SERPINB7: variants seen among roughly 807,000 people sequenced by gnomAD.
SERPINB7 encodes serpin B7.
A neutral mutation model predicts 37.4 loss-of-function variants in SERPINB7; 31 were observed. That is an observed-to-expected ratio of 0.83 (90% CI 0.62 to 1.12). The LOEUF is 1.12. Among genes scored for constraint, SERPINB7 ranks in the 50% most tolerant of loss-of-function variants. SERPINB7 has a pLI of 0.00. For synonymous variants in SERPINB7, 163 were observed against 166.1 expected (o/e 0.98, Z 0.14); for missense variants, 521 against 455.3 (o/e 1.14, Z -1.31).
intron 1 of SERPINB7, among the ~76,000 whole-genome samples, chr18:63,757,008 C>A (rs1413495275): frequency 6.6e-6 from 1 of 152,148 alleles, no homozygotes; most frequent in Non-Finnish European, 1.5e-5. Context: ...GTTAGTAGTA[C>A]ATGAATGTCT....
In SERPINB7 at chr18:63,793,155, T is replaced by G. The variant is rs186928560; in HGVS notation, c.220-6T>G. Reference sequence around the variant, plus strand: ...AATAAATTTTTATACATCTTTTTAATAACAGTCAGGGCTCCAGTCTCAACT... The same window carrying G: ...AATAAATTTTTATACATCTTTTTAAGAACAGTCAGGGCTCCAGTCTCAACT... On this transcript the variant is annotated splice_polypyrimidine_tract_variant and splice_region_variant and intron_variant, in intron 3 of 7. Coordinates refer to ENST00000398019, the MANE Select transcript of SERPINB7 (RefSeq NM_003784.4). The G allele has an allele frequency of 6.8e-7, 1 of 1,462,348 alleles. No homozygotes were observed. The highest frequency in any genetic ancestry group is 9.3e-7 in the Non-Finnish European group (1 of 1,071,448). The allele number at this position is 1,462,348 out of a possible 1,614,324, so 90.6% of individuals were successfully genotyped here. A position where few individuals can be genotyped will look rare whatever the true frequency, so the allele number is the denominator to read the frequency against.
chr18:63,777,706 G>A (rs1179938126), intron 1 of SERPINB7: 1 of 151,644 alleles, frequency 6.6e-6, no homozygotes, highest in Admixed American at 6.6e-5. Context: ...AACTATCATG[G>A]CCATCATAAA....
chr18:63,762,993 C>T (rs1325463337), intron 1 of SERPINB7, among the ~76,000 whole-genome samples: 4 of 151,974 alleles, frequency 2.6e-5, no homozygotes, highest in Admixed American at 6.6e-5. Context: ...GGTCATATTC[C>T]TATTTTTAGA....
At chr18:63,766,953 G>T (rs150250551) in intron 1 of SERPINB7, among the ~76,000 whole-genome samples, 19 of 152,168 alleles carry the variant, frequency 1.2e-4, no homozygotes, top group Admixed American at 2.0e-4. Flanking sequence ...CATCCAATCA[G>T]CAAGTTCTGC....
chr18:63,798,710 G>C lies in SERPINB7; in HGVS notation c.561G>C (p.Lys187Asn). 6.2e-7 allele frequency: 1 copy of C among 1,613,132 alleles called. No homozygotes were observed. Among genetic ancestry groups the C allele is most frequent in the Non-Finnish European group, 8.5e-7 (1 of 1,179,666 alleles). ...FKGKWQSAFT[K>N]SETINCHFKS... ...GCAAGTGGCAATCAGCCTTCACCAA[G>C]AGCGAAACCATAAATTGCCATTTCA... The change falls in exon 6 of 8, where the codon AAG becomes AAC. Residue 187 changes from lysine (K) to asparagine (N), a missense_variant. Coordinates refer to ENST00000398019, the MANE Select transcript of SERPINB7 (RefSeq NM_003784.4).
chr18:63,799,074 T>A (rs574574564), intron 6 of SERPINB7, among the ~76,000 whole-genome samples: 2 of 152,332 alleles, frequency 1.3e-5, no homozygotes, highest in South Asian at 4.1e-4. Context: ...TTTTCATTTT[T>A]CATTTTTTTA....
rs1404741299 is a variant in SERPINB7 at position 63,760,917 on chromosome 18, C to T, written c.-19+7797C>T. On this transcript the variant is annotated intron_variant, in intron 1 of 7. Coordinates refer to the SERPINB7 transcript ENST00000336429. ...GTGGTCCTCTCATGGAGAACCTTTG[C>T]TAGGGCAGTGCAGAAGGGAAATGTG... Among the ~76,000 whole-genome samples, 6 of 152,342 alleles carry T rather than the reference C, an allele frequency of 3.9e-5. No individual in the cohort carries two copies. The East Asian group carries it at 7.7e-4, about 20-fold the overall frequency.
At chr18:63,804,131 A>C (rs2049579056) in intron 7 of SERPINB7, 106 bp from the exon 8 acceptor site, 3 of 817,700 alleles carry the variant, frequency 3.7e-6, no homozygotes, top group Non-Finnish European at 5.6e-6. Flanking sequence ...CTTGAACACA[A>C]ATATCCAGGA....
At chr18:63,774,644 T>C (rs1003377761), upstream of SERPINB7, among the ~76,000 whole-genome samples, 3 of 152,070 alleles carry the variant, frequency 2.0e-5, no homozygotes, top group Admixed American at 2.0e-4. Flanking sequence ...GCCTGTATTA[T>C]AGGAGGAAGG....
At chr18:63,756,825 T>TGTGC (rs2049125271) in intron 1 of SERPINB7, among the ~76,000 whole-genome samples, 2 of 151,530 alleles carry the variant, frequency 1.3e-5, no homozygotes, top group South Asian at 4.2e-4. Flanking sequence ...TGTGTGTGTG[T>TGTGC]GTGTGTGTGT....
chr18:63,765,138 T>C lies in SERPINB7; in HGVS notation c.-19+12018T>C, dbSNP rs891988000. On this transcript the variant is annotated intron_variant, in intron 1 of 7. Coordinates refer to the SERPINB7 transcript ENST00000336429. ...AATTGTAGATTCAACTATGTGTGAA[T>C]AGCCATAAGCACCTCAAACTTAAGT... Among the ~76,000 whole-genome samples, 4 of 152,300 alleles carry C rather than the reference T, an allele frequency of 2.6e-5. No individual in the cohort carries two copies. In the East Asian group the frequency reaches 7.7e-4, roughly 29 times the overall value.
chr18:63,803,365 T>C (rs902489729), intron 7 of SERPINB7, among the ~76,000 whole-genome samples: 1 of 152,180 alleles, frequency 6.6e-6, no homozygotes, highest in Admixed American at 6.5e-5. Flanking sequence ...TTGATAAGAA[T>C]ACAAGTTAAA....
At chr18:63,785,597 C>CA (rs2049355690) in intron 2 of SERPINB7, among the ~76,000 whole-genome samples, 1 of 151,960 alleles carries the variant, frequency 6.6e-6, no homozygotes, top group African/African-American at 2.4e-5. Context: ...AGTCAAGAAT[C>CA]AGTGTGCTTG....
chr18:63,762,352 A>T (rs1347581401), intron 1 of SERPINB7, among the ~76,000 whole-genome samples: 2 of 152,254 alleles, frequency 1.3e-5, no homozygotes, highest in Non-Finnish European at 1.5e-5. Context: ...CTAAAATAAG[A>T]TTGTCATATT....
chr18:63,776,556 G>T (rs2049250163), intron 1 of SERPINB7, among the ~76,000 whole-genome samples: 1 of 151,038 alleles, frequency 6.6e-6, no homozygotes. Context: ...AGAGTTTTGT[G>T]GTCAGAAACC....
chr18:63,783,049 A>G lies in SERPINB7; in HGVS notation c.168+509A>G, dbSNP rs541136827. Among the ~76,000 whole-genome samples the G allele has an allele frequency of 1.1e-4, 17 of 151,828 alleles. No homozygotes were observed. In the South Asian group the frequency reaches 3.1e-3, roughly 28 times the overall value. On this transcript the variant is annotated intron_variant, in intron 2 of 7. Transcript: ENST00000398019. Reference sequence around the variant, plus strand: ...GCTACTCGGGAGGCTGAGGCAGGAGAATGGCATGAACCCGGGAGGTGGAGT... The same window carrying G: ...GCTACTCGGGAGGCTGAGGCAGGAGGATGGCATGAACCCGGGAGGTGGAGT...
intron 6 of SERPINB7, among the ~76,000 whole-genome samples, chr18:63,800,413 A>G (rs2049535056): frequency 6.6e-6 from 1 of 151,552 alleles, no homozygotes; most frequent in Non-Finnish European, 1.5e-5. Flanking sequence ...TCTGAGAAGA[A>G]AAAAAAACCT....
Position 63,804,700 on chromosome 18 carries a change from T to C in SERPINB7, c.*65T>C, listed in dbSNP as rs2049589625. 3 of 1,461,718 alleles carry C rather than the reference T, an allele frequency of 2.1e-6. No homozygotes were observed. Among genetic ancestry groups the C allele is most frequent in the Admixed American group, 4.5e-5 (2 of 44,640 alleles). The allele number at this position is 1,461,718 out of a possible 1,614,324, so 90.5% of individuals were successfully genotyped here. On this transcript the variant is annotated 3_prime_UTR_variant, in exon 8 of 8. Transcript: ENST00000398019. Reference sequence around the variant, plus strand: ...CAAAGAACCACCACAAGTCAATAGATTTGAGTTTAATTGGAAAAATGTGGT... The same window carrying C: ...CAAAGAACCACCACAAGTCAATAGACTTGAGTTTAATTGGAAAAATGTGGT...
At chr18:63,758,765 C>A (rs1023188126) in intron 1 of SERPINB7, among the ~76,000 whole-genome samples, 2 of 152,182 alleles carry the variant, frequency 1.3e-5, no homozygotes, top group Non-Finnish European at 1.5e-5. Context: ...CCTCTACCCC[C>A]TCACCAAGAA....
Sources: gnomAD v4.1 joint callset for allele counts (sites outside exome capture counted in the v4.1 genomes callset) on GRCh38, gnomAD v4.1.1 for gene constraint, MANE v1.5 for transcripts, NCBI Gene and HGNC (gene_info 2026-07-23, HGNC 2026-07-21) for gene names.